Variants in CHRNE observed in about 807,000 individuals in gnomAD.
The protein encoded by CHRNE is acetylcholine receptor subunit epsilon.
In CHRNE, 58 loss-of-function variants were observed where a neutral mutation model predicts 56.5. That is an observed-to-expected ratio of 1.03 (90% CI 0.83 to 1.28). The LOEUF is 1.28. Ranked by LOEUF, CHRNE falls within the 50% of genes most tolerant of loss-of-function variation. The pLI, the probability that CHRNE is intolerant of heterozygous loss-of-function variation, is 0.00. For missense variants in CHRNE, 793 were observed against 688.9 expected, an observed-to-expected ratio of 1.15 and a Z score of -1.69; for synonymous variants, 385 against 297.9, an observed-to-expected ratio of 1.29 and a Z score of -3.01.
chr17:4,901,654 C>T (rs754488221), intron 5 of CHRNE, 29 bp from the exon 6 acceptor site: 8 of 1,602,194 alleles, frequency 5.0e-6, no homozygotes, highest in Admixed American at 3.3e-5. Flanking sequence ...GAGCCCACCC[C>T]AGAAGCTCTG....
upstream of CHRNE, among the ~76,000 whole-genome samples, chr17:4,904,472 G>A (rs1273290539): frequency 2.0e-5 from 3 of 152,136 alleles, no homozygotes; most frequent in Non-Finnish European, 4.4e-5. Flanking sequence ...TCGGGACTAG[G>A]GTGCCAGGAA....
In CHRNE at chr17:4,898,991, C is replaced by A; in HGVS notation, c.1326+10G>T. On this transcript the variant is annotated intron_variant, in intron 11 of 11. Coordinates refer to ENST00000649488, the MANE Select transcript of CHRNE (RefSeq NM_000080.4). ...TGCCTCGCTCCACCCGCCTCTGGCT[C>A]CTGTCCCACCTCGCCGGTGGCCTCC... 1 of 1,583,358 alleles carries A rather than the reference C, an allele frequency of 6.3e-7. No individual in the cohort carries two copies. The highest frequency in any genetic ancestry group is 2.3e-5 in the East Asian group (1 of 43,684).
At chr17:4,898,944 A>G (rs1379823904) in intron 11 of CHRNE, 53 bp from the exon 12 acceptor site, 1 of 1,564,744 alleles carries the variant, frequency 6.4e-7, no homozygotes, top group African/African-American at 1.4e-5. Context: ...AGCCAGCGGC[A>G]TGGGAGACAG....
intron 8 of CHRNE, chr17:4,900,130 C>G (rs956028664): frequency 5.8e-6 from 9 of 1,550,266 alleles, no homozygotes; most frequent in African/African-American, 5.5e-5. Context: ...TGAGCTTCGG[C>G]ACCACCTTGT....
At chr17:4,900,072 C>G (rs541558289) in intron 8 of CHRNE, 2 of 1,551,098 alleles carry the variant, frequency 1.3e-6, no homozygotes, top group Non-Finnish European at 8.7e-7. Flanking sequence ...CTGCCTGCCC[C>G]GAAGCCCACC....
In CHRNE at chr17:4,899,198, C is replaced by A; in HGVS notation, c.1219G>T (p.Ala407Ser). 1.2e-6 allele frequency: 2 copies of A among 1,603,182 alleles called. No individual in the cohort carries two copies. The highest frequency in any genetic ancestry group is 8.5e-7 in the Non-Finnish European group (1 of 1,177,208). Reference sequence around the variant, plus strand: ...CCCGGGCCAGGGCCACTGTGCTCACCCGTCCAGGTCCCCTGCCGGTGCCTC... The same window carrying A: ...CCCGGGCCAGGGCCACTGTGCTCACACGTCCAGGTCCCCTGCCGGTGCCTC... ...GQRHRQGTWT[A>S]AFCQSLGAAA... The change falls in exon 10 of 12, where the codon GCT (alanine) becomes TCT (serine). Residue 407 changes from alanine to serine, a missense_variant and splice_region_variant. Physicochemically the swap from Ala to Ser is moderately conservative, Grantham distance 99 (BLOSUM62 1). Coordinates refer to ENST00000649488, the MANE Select transcript of CHRNE (RefSeq NM_000080.4).
chr17:4,904,119 A>G (rs1177196263), upstream of CHRNE, among the ~76,000 whole-genome samples: 1 of 152,070 alleles, frequency 6.6e-6, no homozygotes, highest in Non-Finnish European at 1.5e-5. Flanking sequence ...GGCCTCCCAA[A>G]GTGCTGGGAT....
rs531123327 is a variant in CHRNE, at chr17:4,901,122, C to A, written c.670G>T (p.Gly224Cys). 1.2e-6 allele frequency: 2 copies of A among 1,612,778 alleles called. No homozygotes were observed. The highest frequency in any genetic ancestry group is 1.7e-4 in the Middle Eastern group (1 of 6,060). ...TAGATGACGTCAGTCTCCCCTGGGC[C>A]GTCGGTGGCGCCACCGTGGTGGCGG... The part of the protein sequence containing the change: ...IRRHHGGATD[G>C]PGETDVIYSL... The change falls in exon 7 of 12, where the codon GGC becomes TGC. Residue 224 changes from glycine to cysteine, a missense_variant. Gly to Cys is a radical substitution (Grantham distance 159). Transcript: ENST00000649488.
At position 4,902,450 on chromosome 17, in the gene CHRNE, G is replaced by A. The variant is rs749350232; in HGVS notation, c.234C>T (p.Ile78=). ...ACACCATTCCCCAGATTTGACTCAC[G>A]ATTCCAATCCAGACGCTAGTGGTGA... ...ETLTTSVWIG[I]DWQDYRLNYS... is the part of the protein sequence containing the mutation. The change falls in exon 3 of 12, where the codon ATC becomes ATT. Residue 78 remains isoleucine (I), a splice_region_variant and synonymous_variant. Transcript: ENST00000649488. The surrounding 1 kb of genome is among the most constrained non-coding windows in gnomAD (Gnocchi z 4.0). 1 of 1,614,186 alleles carries A rather than the reference G, an allele frequency of 6.2e-7. No homozygotes were observed. Among genetic ancestry groups the A allele is most frequent in the East Asian group, 2.2e-5 (1 of 44,880 alleles).
upstream of CHRNE, among the ~76,000 whole-genome samples, chr17:4,907,289 C>A (rs970737724): frequency 6.6e-6 from 1 of 151,930 alleles, no homozygotes; most frequent in Admixed American, 6.6e-5. Flanking sequence ...CCGGGCCGGG[C>A]GCGGGGGCTC....
chr17:4,906,524 G>T (rs1363522017), upstream of CHRNE, among the ~76,000 whole-genome samples: 3 of 152,130 alleles, frequency 2.0e-5, no homozygotes, highest in African/African-American at 7.2e-5. Context: ...AAAGAGGGCA[G>T]AAGATTTGAA....
chr17:4,901,864 G>T (rs1447542517), intron 5 of CHRNE, 68 bp downstream of exon 5: 23 of 1,595,650 alleles, frequency 1.4e-5, no homozygotes, highest in South Asian at 2.2e-5. Flanking sequence ...GGTGCTTCCC[G>T]GTTGGCCCCG....
intron 8 of CHRNE, chr17:4,900,505 C>A: frequency 6.4e-7 from 1 of 1,550,946 alleles, no homozygotes; most frequent in Non-Finnish European, 8.7e-7. Context: ...CCCGGAGAAC[C>A]GGTGAGCTCA....
In CHRNE at chr17:4,898,335, T is replaced by G; in HGVS notation, c.*401A>C. On this transcript the variant is annotated 3_prime_UTR_variant, in exon 12 of 12. Coordinates refer to ENST00000649488, the MANE Select transcript of CHRNE (RefSeq NM_000080.4). ...AGAGCCAGACCAGGGAAGAAGAGGG[T>G]TTCCTGGCTACAGCCTCCCTGTGTG... 3.5e-6 allele frequency: 1 copy of G among 288,938 alleles called. No individual in the cohort carries two copies. Among genetic ancestry groups the G allele is most frequent in the Non-Finnish European group, 6.8e-6 (1 of 146,772 alleles). 17.9% of individuals were successfully genotyped at this position (288,938 alleles called of 1,614,324 possible).
chr17:4,900,561 C>A (rs1385269215), intron 8 of CHRNE: 1 of 1,550,104 alleles, frequency 6.5e-7, no homozygotes, highest in Non-Finnish European at 8.7e-7. Flanking sequence ...GCTAGGGAGG[C>A]ACTGAGCCGG....
chr17:4,900,857 C>G lies in CHRNE; in HGVS notation c.853G>C (p.Val285Leu), dbSNP rs1597618794. The G allele has an allele frequency of 6.2e-7, 1 of 1,614,084 alleles. No individual in the cohort carries two copies. Among genetic ancestry groups the G allele is most frequent in the African/African-American group, 1.3e-5 (1 of 74,952 alleles). ...VSINVLLAQT[V>L]FLFLIAQKIP... is the part of the protein sequence containing the mutation. ...TTCTGGGCAATGAGGAACAAGAAGA[C>G]GGTCTGGGCGAGCAGGACGTTGATG... Residue 285 changes from valine (V) to leucine (L), a missense_variant, in exon 8 of 12, where the codon GTC (valine) becomes CTC (leucine). Coordinates refer to ENST00000649488, the MANE Select transcript of CHRNE (RefSeq NM_000080.4).
At chr17:4,904,952 A>G (rs2151100279), upstream of CHRNE, among the ~76,000 whole-genome samples, 1 of 152,358 alleles carries the variant, frequency 6.6e-6, no homozygotes, top group African/African-American at 2.4e-5. Flanking sequence ...ACCTCTTTGC[A>G]TGTGGCTGGT....
upstream of CHRNE, among the ~76,000 whole-genome samples, chr17:4,905,992 GCT>G (rs1424243472): frequency 6.6e-6 from 1 of 152,188 alleles, no homozygotes; most frequent in Non-Finnish European, 1.5e-5. Context: ...CGCTCTGTCC[GCT>G]CTCTGCTCCT....
Position 4,898,984 on chromosome 17 carries a change from T to C in CHRNE, c.1326+17A>G. On this transcript the variant is annotated intron_variant, in intron 11 of 11. Transcript: ENST00000649488. The stretch of plus-strand genomic sequence containing the variant: ...GGGCCTCTGCCTCGCTCCACCCGCC[T>C]CTGGCTCCTGTCCCACCTCGCCGGT... 1 of 1,557,000 alleles carries C rather than the reference T, an allele frequency of 6.4e-7. No homozygotes were observed. Among genetic ancestry groups the C allele is most frequent in the Non-Finnish European group, 8.7e-7 (1 of 1,151,756 alleles).
Sources: gnomAD v4.1 joint callset for allele counts (sites outside exome capture counted in the v4.1 genomes callset) on GRCh38, gnomAD v4.1.1 for gene constraint, Gnocchi (gnomAD v3.1) non-coding constraint, MANE v1.5 for transcripts, NCBI Gene and HGNC (gene_info 2026-07-23, HGNC 2026-07-21) for gene names.